The following OR2T6 variants were observed in gnomAD, a reference collection of about 807,000 sequenced individuals.
The protein encoded by OR2T6 is olfactory receptor family 2 subfamily T member 6.
For synonymous variants in OR2T6, 174 were observed against 148.0 expected, an observed-to-expected ratio of 1.18 and a Z score of -1.27; for missense variants, 424 against 391.6, an observed-to-expected ratio of 1.08 and a Z score of -0.70.
Position 248,388,608 on chromosome 1 carries a change from G to A in OR2T6, c.*73G>A. The A allele has an allele frequency of 1.7e-6, 2 of 1,159,576 alleles. No individual in the cohort carries two copies. Among genetic ancestry groups the A allele is most frequent in the East Asian group, 2.4e-5 (1 of 42,058 alleles). 71.8% of individuals were successfully genotyped at this position (1,159,576 alleles called of 1,614,324 possible). ...CACATCCTGTTCAGGCATATATGGG[G>A]TCGTATCATGGATACCACGGATGAT... is the stretch of plus-strand genomic sequence containing the variant. On this transcript the variant is annotated 3_prime_UTR_variant, in exon 3 of 3. Transcript: ENST00000641644.
rs1013776079 is a variant in OR2T6, at chr1:248,384,829, C to T, written c.-40C>T. 1 of 152,200 alleles carries T rather than the reference C, an allele frequency of 6.6e-6. No individual in the cohort carries two copies. Among genetic ancestry groups the T allele is most frequent in the Non-Finnish European group, 1.5e-5 (1 of 68,054 alleles). 9.4% of individuals were successfully genotyped at this position (152,200 alleles called of 1,614,324 possible). A position where few individuals can be genotyped will look rare whatever the true frequency, so the allele number is the denominator to read the frequency against. ...GAATAAATCTTCAGCCCGTTTTTCC[C>T]CTCACCACCTGATCCACTCAGCCTC... On this transcript the variant is annotated 5_prime_UTR_variant, in exon 2 of 3. Coordinates refer to ENST00000641644, the MANE Select transcript of OR2T6 (RefSeq NM_001005471.2).
rs1660933922 is a variant in OR2T6, at chr1:248,375,982, C to T, written c.-231C>T. The T allele has an allele frequency of 6.6e-6, 1 of 152,074 alleles. No homozygotes were observed. The highest frequency in any genetic ancestry group is 1.5e-5 in the Non-Finnish European group (1 of 68,012). The allele number at this position is 152,074 out of a possible 1,614,324, so 9.4% of individuals were successfully genotyped here. ...TTATCTCTTGTTTCTAAGGTCTCAC[C>T]TCTTGTGAAGTTGTTTGTAAACAAT... On this transcript the variant is annotated 5_prime_UTR_variant, in exon 1 of 3. Transcript: ENST00000641644.
At chr1:248,380,451 A>G (rs1217426154) in intron 1 of OR2T6, among the ~76,000 whole-genome samples, 1 of 152,020 alleles carries the variant, frequency 6.6e-6, no homozygotes, top group Non-Finnish European at 1.5e-5. Context: ...CAGTCTGCTT[A>G]TTTTAAAATC....
intron 1 of OR2T6, among the ~76,000 whole-genome samples, chr1:248,377,564 A>C (rs2103067115): frequency 6.6e-6 from 1 of 152,390 alleles, no homozygotes; most frequent in South Asian, 2.1e-4. Flanking sequence ...CATGAGGGCA[A>C]GGGCAGCATG....
chr1:248,384,954 C>A (rs1661111254), intron 2 of OR2T6, 90 bp downstream of exon 2: 1 of 152,224 alleles, frequency 6.6e-6, no homozygotes, highest in Non-Finnish European at 1.5e-5. Context: ...TGTTAGCTAG[C>A]ATTTTTCCTT....
chr1:248,387,717 A>G lies in OR2T6; in HGVS notation c.109A>G (p.Met37Val), dbSNP rs764350253. The G allele has an allele frequency of 1.1e-5, 18 of 1,613,674 alleles. No individual in the cohort carries two copies. Among genetic ancestry groups the G allele is most frequent in the Non-Finnish European group, 1.5e-5 (18 of 1,179,822 alleles). ...CGGTGTCATTTGTGCCGTCTTCTTC[A>G]TGGCCATGATAGCTAATGGGGTCAT... ...FFGVICAVFFMAMIANGVMIF... is the reference protein window; with the variant it reads ...FFGVICAVFFVAMIANGVMIF... Residue 37 changes from methionine to valine, a missense_variant, in exon 3 of 3, where the codon ATG becomes GTG. Coordinates refer to ENST00000641644, the MANE Select transcript of OR2T6 (RefSeq NM_001005471.2).
rs1414625063 is a variant in OR2T6, at chr1:248,387,896, C to T, written c.288C>T (p.Ala96=). The T allele has an allele frequency of 6.3e-7, 1 of 1,599,400 alleles. No individual in the cohort carries two copies. ...GCGAGGGGACCATCTCTTTCATCGCCTGCACTGCTCAGTGCTTTCTCTACA... is the reference window on the plus strand; with the variant it reads ...GCGAGGGGACCATCTCTTTCATCGCTTGCACTGCTCAGTGCTTTCTCTACA... ...LMGEGTISFI[A]CTAQCFLYMG... is the part of the protein sequence containing the mutation. The change falls in exon 3 of 3, where the codon GCC becomes GCT. Residue 96 remains alanine (A), a synonymous_variant. Transcript: ENST00000641644.
chr1:248,379,460 G>C (rs906498535), intron 1 of OR2T6, among the ~76,000 whole-genome samples: 1 of 152,088 alleles, frequency 6.6e-6, no homozygotes, highest in African/African-American at 2.4e-5. Context: ...AGGTCACTTA[G>C]GGACATACAA....
chr1:248,386,208 T>G (rs1661133950), intron 2 of OR2T6, among the ~76,000 whole-genome samples: 1 of 152,090 alleles, frequency 6.6e-6, no homozygotes, highest in South Asian at 2.1e-4. Flanking sequence ...TTTCAAAGAG[T>G]GTTAAACCTG....
rs200617979 is a variant in OR2T6, at chr1:248,387,910, G to A, written c.302G>A (p.Cys101Tyr). ...TISFIACTAQ[C>Y]FLYMGFMGAE... The stretch of plus-strand genomic sequence containing the variant: ...TCTTTCATCGCCTGCACTGCTCAGT[G>A]CTTTCTCTACATGGGCTTTATGGGG... Residue 101 changes from cysteine (C) to tyrosine (Y), a missense_variant, in exon 3 of 3, where the codon TGC becomes TAC. By Grantham distance (194) the Cys-to-Tyr change is radical (BLOSUM62 -2). Transcript: ENST00000641644. 2 of 1,603,778 alleles carry A rather than the reference G, an allele frequency of 1.2e-6. No individual in the cohort carries two copies. Among genetic ancestry groups the A allele is most frequent in the Non-Finnish European group, 8.5e-7 (1 of 1,175,054 alleles).
In OR2T6 at chr1:248,388,885, C is replaced by T; in HGVS notation, c.*350C>T. On this transcript the variant is annotated 3_prime_UTR_variant, in exon 3 of 3. Coordinates refer to ENST00000641644, the MANE Select transcript of OR2T6 (RefSeq NM_001005471.2). ...CATATTCTGCCCATTTTCAATGGCT[C>T]CATAAGAACTGGTGATTTTGACTAT... The T allele has an allele frequency of 3.8e-6, 1 of 263,190 alleles. No individual in the cohort carries two copies. The highest frequency in any genetic ancestry group is 7.2e-6 in the Non-Finnish European group (1 of 139,328). The allele number at this position is 263,190 out of a possible 1,614,324, so 16.3% of individuals were successfully genotyped here. A position where few individuals can be genotyped will look rare whatever the true frequency, so the allele number is the denominator to read the frequency against.
In OR2T6 at chr1:248,388,413, AT is replaced by A. The variant is rs771319930; in HGVS notation, c.806del (p.Ile269ThrfsTer17). The A allele has an allele frequency of 6.2e-7, 1 of 1,613,604 alleles. No individual in the cohort carries two copies. The highest frequency in any genetic ancestry group is 8.5e-7 in the Non-Finnish European group (1 of 1,179,772). On this transcript the variant is annotated frameshift_variant, in exon 3 of 3. Transcript: ENST00000641644. LOFTEE classifies it low-confidence loss of function (END_TRUNC). ...YTLPQSYHTP[I>X]KDKVFSAFYT... ...GCTTCCCCAATCTTACCACACCCCA[AT>A]CAAAGATAAGGTCTTCTCTGCCTTT... is the stretch of plus-strand genomic sequence containing the variant.
At chr1:248,381,977 T>C (rs1247548724) in intron 1 of OR2T6, among the ~76,000 whole-genome samples, 2 of 152,146 alleles carry the variant, frequency 1.3e-5, no homozygotes, top group African/African-American at 4.8e-5. Context: ...TAGATACTAG[T>C]CTAAGAAACT....
intron 1 of OR2T6, among the ~76,000 whole-genome samples, chr1:248,381,090 C>T (rs986638787): frequency 1.3e-5 from 2 of 151,906 alleles, no homozygotes; most frequent in African/African-American, 2.4e-5. Context: ...TCATATGCTT[C>T]GCGTTAATTT....
chr1:248,387,491 A>T, intron 2 of OR2T6, 114 bp from the exon 3 acceptor site: 1 of 598,446 alleles, frequency 1.7e-6, no homozygotes, highest in Non-Finnish European at 2.7e-6. Flanking sequence ...GTTTTATATT[A>T]GCTACATAAA....
rs1221247544 is a variant in OR2T6, at chr1:248,391,588, ACT to A, written c.*3056_*3057del. Reference sequence around the variant, plus strand: ...ATGTATTTGTGGAAAAAAACATACAACTCTGGAACAGAAAGACTCATCCTTAT... The same window carrying A: ...ATGTATTTGTGGAAAAAAACATACAACTGGAACAGAAAGACTCATCCTTAT... On this transcript the variant is annotated 3_prime_UTR_variant, in exon 3 of 3. Coordinates refer to ENST00000641644, the MANE Select transcript of OR2T6 (RefSeq NM_001005471.2). 2 of 152,176 alleles carry A rather than the reference ACT, an allele frequency of 1.3e-5. No individual in the cohort carries two copies. Among genetic ancestry groups the A allele is most frequent in the Non-Finnish European group, 2.9e-5 (2 of 68,038 alleles). 9.4% of individuals were successfully genotyped at this position (152,176 alleles called of 1,614,324 possible).
chr1:248,388,023 C>A lies in OR2T6; in HGVS notation c.415C>A (p.Arg139=), dbSNP rs140972140. 12 of 1,613,196 alleles carry A rather than the reference C, an allele frequency of 7.4e-6. No homozygotes were observed. In the Admixed American group the frequency reaches 1.7e-4, roughly 22 times the overall value. ...GCGCTATCCTGTCCTCATCAGCTGGCGGGTCTGCTGGATGATCCTGGCCAG... is the reference window on the plus strand; with the variant it reads ...GCGCTATCCTGTCCTCATCAGCTGGAGGGTCTGCTGGATGATCCTGGCCAG... ...PLRYPVLISW[R]VCWMILASSW... Residue 139 remains arginine, a synonymous_variant, in exon 3 of 3, where the codon CGG becomes AGG. Transcript: ENST00000641644.
At chr1:248,382,532 C>CTTT (rs773197375) in intron 1 of OR2T6, among the ~76,000 whole-genome samples, 23,002 of 115,854 alleles carry the variant, frequency 0.2, 2,268 homozygotes, top group East Asian at 0.4. Flanking sequence ...ACCTTTCTTT[C>CTTT]TTTCTTTTTT....
Position 248,388,625 on chromosome 1 carries a change from A to G in OR2T6, c.*90A>G. 1.0e-6 allele frequency: 1 copy of G among 967,862 alleles called. No homozygotes were observed. Among genetic ancestry groups the G allele is most frequent in the Non-Finnish European group, 1.5e-6 (1 of 660,930 alleles). 60.0% of individuals were successfully genotyped at this position (967,862 alleles called of 1,614,324 possible). ...TATATGGGGTCGTATCATGGATACC[A>G]CGGATGATGCTGACAGGAACTTTCA... On this transcript the variant is annotated 3_prime_UTR_variant, in exon 3 of 3. Coordinates refer to ENST00000641644, the MANE Select transcript of OR2T6 (RefSeq NM_001005471.2).
Sources: gnomAD v4.1 joint callset for allele counts (sites outside exome capture counted in the v4.1 genomes callset) on GRCh38, gnomAD v4.1.1 for gene constraint, MANE v1.5 for transcripts, NCBI Gene and HGNC (gene_info 2026-07-23, HGNC 2026-07-21) for gene names.